COL13A1: variants seen among roughly 807,000 people sequenced by gnomAD.
The protein encoded by COL13A1 is collagen alpha-1(XIII) chain.
Under a neutral mutation model 130.9 loss-of-function variants are expected in COL13A1, and 89 were observed. The observed-to-expected ratio is 0.68, with a 90% CI of 0.57 to 0.81. COL13A1 has a LOEUF of 0.81. Ranked by LOEUF, COL13A1 falls within the 30% of genes least tolerant of loss-of-function variation. COL13A1 has a pLI of 0.00. For missense variants in COL13A1, 879 were observed against 934.6 expected (o/e 0.94, Z 0.78); for synonymous variants, 402 against 341.6 (o/e 1.18, Z -1.95).
rs759660309 is a variant in COL13A1, at chr10:69,905,003, C to A, written c.885+44C>A. On this transcript the variant is annotated intron_variant, in intron 16 of 40. Transcript: ENST00000645393. ...GATGTGTTGAACAGGTGGGAGAATT[C>A]CCTGCAGGAGGGAGGGGGAGGCAGC... The A allele has an allele frequency of 7.1e-6, 11 of 1,549,076 alleles. No individual in the cohort carries two copies. In the East Asian group the frequency reaches 1.7e-4, roughly 24 times the overall value.
At chr10:69,849,557 C>A (rs12357925) in intron 2 of COL13A1, among the ~76,000 whole-genome samples, 1 of 152,034 alleles carries the variant, frequency 6.6e-6, no homozygotes, top group Non-Finnish European at 1.5e-5. Flanking sequence ...TTCACATCTC[C>A]TTTTTATCTT....
chr10:69,958,962 T>A lies in COL13A1; in HGVS notation c.*261T>A. 2.0e-6 allele frequency: 1 copy of A among 505,950 alleles called. No individual in the cohort carries two copies. Among genetic ancestry groups the A allele is most frequent in the Non-Finnish European group, 3.4e-6 (1 of 291,706 alleles). 31.3% of individuals were successfully genotyped at this position (505,950 alleles called of 1,614,324 possible). A position where few individuals can be genotyped will look rare whatever the true frequency, so the allele number is the denominator to read the frequency against. ...GATATTTGTGCACATTTATTAAGTA[T>A]CGAAGCTTAATAAATTATTGTGTCC... On this transcript the variant is annotated 3_prime_UTR_variant, in exon 41 of 41. Transcript: ENST00000645393.
intron 38 of COL13A1, among the ~76,000 whole-genome samples, chr10:69,949,949 C>CGTGTGTGTGTGTGT (rs1234992758): frequency 3.9e-5 from 4 of 103,556 alleles, no homozygotes; most frequent in African/African-American, 1.1e-4. Flanking sequence ...TGTGTGTGTG[C>CGTGTGTGTGTGTGT]GTGTGTTTGT....
chr10:69,924,894 C>T, intron 24 of COL13A1, 69 bp from the exon 25 acceptor site: 1 of 1,453,862 alleles, frequency 6.9e-7, no homozygotes, highest in Middle Eastern at 1.8e-4. Context: ...ATCACATGGC[C>T]CATCTAGGGA....
intron 38 of COL13A1, among the ~76,000 whole-genome samples, chr10:69,952,313 A>G (rs1564499894): frequency 6.6e-6 from 1 of 152,258 alleles, no homozygotes; most frequent in Non-Finnish European, 1.5e-5. Context: ...ACGTGGGCAC[A>G]CACACACATA....
At chr10:69,912,932 C>T (rs2063536304) in intron 17 of COL13A1, among the ~76,000 whole-genome samples, 1 of 152,222 alleles carries the variant, frequency 6.6e-6, no homozygotes, top group African/African-American at 2.4e-5. Context: ...TGCATCCTCC[C>T]ACCTGGAATC....
intron 28 of COL13A1, among the ~76,000 whole-genome samples, 169 bp from the exon 29 acceptor site, chr10:69,929,874 G>A (rs1398655047): frequency 6.6e-6 from 1 of 152,232 alleles, no homozygotes; most frequent in Non-Finnish European, 1.5e-5. Flanking sequence ...AGTCCTGTCT[G>A]TAGAAGAGAG....
At chr10:69,803,444 C>G (rs902472032) in intron 1 of COL13A1, among the ~76,000 whole-genome samples, 1 of 152,156 alleles carries the variant, frequency 6.6e-6, no homozygotes, top group African/African-American at 2.4e-5. Context: ...AAAGGCTGTC[C>G]CCTCCCCAGG....
At chr10:69,815,618 A>G (rs566548375) in intron 1 of COL13A1, among the ~76,000 whole-genome samples, 40 of 152,290 alleles carry the variant, frequency 2.6e-4, no homozygotes, top group African/African-American at 8.7e-4. Flanking sequence ...GGTAGCCTAG[A>G]TGGCACACAT....
intron 38 of COL13A1, among the ~76,000 whole-genome samples, chr10:69,948,304 A>G (rs958861120): frequency 1.3e-5 from 2 of 151,830 alleles, no homozygotes; most frequent in Admixed American, 1.3e-4. Context: ...AGAAAGTGCC[A>G]GAATGCCTAT....
At chr10:69,851,591 G>A (rs558233421) in intron 2 of COL13A1, among the ~76,000 whole-genome samples, 1 of 152,306 alleles carries the variant, frequency 6.6e-6, no homozygotes, top group Admixed American at 6.5e-5. Context: ...TGGCTAGTGA[G>A]GCTGAGGAAC....
At chr10:69,857,315 C>T (rs1338469582) in intron 2 of COL13A1, among the ~76,000 whole-genome samples, 1 of 152,248 alleles carries the variant, frequency 6.6e-6, no homozygotes, top group Non-Finnish European at 1.5e-5. Flanking sequence ...CCTGTCCAGC[C>T]TGCTCTGCTT....
intron 25 of COL13A1, among the ~76,000 whole-genome samples, chr10:69,925,580 A>G (rs1352960578): frequency 2.0e-5 from 3 of 152,212 alleles, no homozygotes; most frequent in Non-Finnish European, 4.4e-5. Flanking sequence ...CAATCTTCCC[A>G]GGTCGGCCTA....
At position 69,952,901 on chromosome 10, in the gene COL13A1, G is replaced by C; in HGVS notation, c.2078G>C (p.Gly693Ala). The part of the protein sequence containing the change: ...KGNRGERGKK[G>A]SRGPKGDKGD... Reference sequence around the variant, plus strand: ...TTACAGGGGGAGAGGGGGAAGAAAGGCTCTAGAGGGCCTAAAGGGGATAAG... The same window carrying C: ...TTACAGGGGGAGAGGGGGAAGAAAGCCTCTAGAGGGCCTAAAGGGGATAAG... The change falls in exon 39 of 41, where the codon GGC (glycine) becomes GCC (alanine). Residue 693 changes from glycine (G) to alanine (A), a missense_variant. By Grantham distance (60) the Gly-to-Ala change is moderately conservative (BLOSUM62 0). Around this residue, in one of 3 missense-constraint regions of COL13A1, gnomAD observed 68 missense variants for 65.8 expected, o/e 1.03. Transcript: ENST00000645393. 2 of 1,554,974 alleles carry C rather than the reference G, an allele frequency of 1.3e-6. No homozygotes were observed. Among genetic ancestry groups the C allele is most frequent in the Non-Finnish European group, 1.7e-6 (2 of 1,159,302 alleles).
At chr10:69,943,561 T>G (rs2067985236) in intron 35 of COL13A1, among the ~76,000 whole-genome samples, 1 of 149,264 alleles carries the variant, frequency 6.7e-6, no homozygotes, top group African/African-American at 2.5e-5. Flanking sequence ...GCACCCTAAT[T>G]CACCCCCCGA....
At chr10:69,877,750 C>T (rs1486067131) in intron 5 of COL13A1, 5 of 351,466 alleles carry the variant, frequency 1.4e-5, no homozygotes, top group Admixed American at 4.0e-5. Flanking sequence ...CACACACGTA[C>T]GTGCCTCAAG....
intron 2 of COL13A1, among the ~76,000 whole-genome samples, chr10:69,841,664 C>T (rs954643410): frequency 1.1e-4 from 16 of 152,174 alleles, no homozygotes; most frequent in South Asian, 6.2e-4. Context: ...ATTGCAATAG[C>T]GATCAGCTCC....
chr10:69,868,863 G>A (rs1328402462), intron 3 of COL13A1, among the ~76,000 whole-genome samples: 2 of 152,182 alleles, frequency 1.3e-5, no homozygotes, highest in Non-Finnish European at 2.9e-5. Flanking sequence ...GGCACGTTTG[G>A]TGTGTCAGAT....
intron 30 of COL13A1, 35 bp downstream of exon 30, chr10:69,930,587 C>T (rs373266498): frequency 6.3e-7 from 1 of 1,598,342 alleles, no homozygotes; most frequent in African/African-American, 1.3e-5. Flanking sequence ...TCCGTGCATA[C>T]ACCACTCCCA....
Sources: gnomAD v4.1 joint callset for allele counts (sites outside exome capture counted in the v4.1 genomes callset) on GRCh38, gnomAD v4.1.1 for gene constraint, gnomAD v4.1.1 regional missense constraint, MANE v1.5 for transcripts, NCBI Gene and HGNC (gene_info 2026-07-23, HGNC 2026-07-21) for gene names.